KIAA0513: variants seen among roughly 807,000 people sequenced by gnomAD.
KIAA0513 encodes the protein uncharacterized protein KIAA0513.
KIAA0513 carries 39 observed loss-of-function variants against 56.5 expected under a neutral mutation model. The observed-to-expected ratio is 0.69, with a 90% CI of 0.53 to 0.90. KIAA0513 has a LOEUF of 0.90. Ranked by LOEUF, KIAA0513 falls within the 40% of genes least tolerant of loss-of-function variation. The pLI is 0.00. For missense variants in KIAA0513, 591 were observed against 535.2 expected, an observed-to-expected ratio of 1.10 and a Z score of -1.03; for synonymous variants, 268 against 215.6, an observed-to-expected ratio of 1.24 and a Z score of -2.13.
chr16:85,066,835 T>C (rs1253697903), intron 1 of KIAA0513, 65 bp from the exon 2 acceptor site: 4 of 442,156 alleles, frequency 9.0e-6, no homozygotes, highest in Non-Finnish European at 1.6e-5. Context: ...CTGGGGAGTC[T>C]GTGATCTAGG....
At chr16:85,071,696 T>C (rs972759129) in intron 2 of KIAA0513, 87 bp from the exon 3 acceptor site, 3 of 1,100,638 alleles carry the variant, frequency 2.7e-6, no homozygotes, top group Admixed American at 5.2e-5. Flanking sequence ...ATTTCGTTAG[T>C]TCCTTCTCCT....
At chr16:85,068,762 C>T (rs569120321) in intron 2 of KIAA0513, among the ~76,000 whole-genome samples, 1 of 152,216 alleles carries the variant, frequency 6.6e-6, no homozygotes, top group Non-Finnish European at 1.5e-5. Flanking sequence ...CCACCGTGCC[C>T]GGCCATCCAT....
At chr16:85,071,701 T>C in intron 2 of KIAA0513, 82 bp from the exon 3 acceptor site, 1 of 1,150,850 alleles carries the variant, frequency 8.7e-7, no homozygotes, top group Non-Finnish European at 1.2e-6. Flanking sequence ...GTTAGTTCCT[T>C]CTCCTTGCTC....
chr16:85,060,621 T>TG (rs1366851720), intron 1 of KIAA0513, among the ~76,000 whole-genome samples: 1 of 152,022 alleles, frequency 6.6e-6, no homozygotes, highest in Non-Finnish European at 1.5e-5. Flanking sequence ...GAAGGATTGC[T>TG]GGGGCCCAGG....
intron 1 of KIAA0513, among the ~76,000 whole-genome samples, chr16:85,054,313 A>C (rs1326266568): frequency 6.6e-6 from 1 of 152,234 alleles, no homozygotes; most frequent in Non-Finnish European, 1.5e-5. Context: ...TATAAGCAAA[A>C]TAAATTGGTT....
chr16:85,085,790 A>C (rs1162843637), intron 10 of KIAA0513, among the ~76,000 whole-genome samples: 1 of 152,186 alleles, frequency 6.6e-6, no homozygotes, highest in African/African-American at 2.4e-5. Flanking sequence ...ACACCCTCCC[A>C]CTTCAGGCCT....
In KIAA0513 at chr16:85,082,565, G is replaced by C; in HGVS notation, c.982G>C (p.Gly328Arg). The C allele has an allele frequency of 6.2e-7, 1 of 1,614,036 alleles. No homozygotes were observed. The highest frequency in any genetic ancestry group is 8.5e-7 in the Non-Finnish European group (1 of 1,179,954). ...ERTKRSPTTRGDAGEEEEKRE... is the reference protein window; with the variant it reads ...ERTKRSPTTRRDAGEEEEKRE... Reference sequence around the variant, plus strand: ...TACCTGTTTCTGCTGCCGCTCCAGAGGGGATGCTGGAGAGGAGGAGGAGAA... The same window carrying C: ...TACCTGTTTCTGCTGCCGCTCCAGACGGGATGCTGGAGAGGAGGAGGAGAA... The change falls in exon 10 of 13, where the codon GGG becomes CGG. Residue 328 changes from glycine (G) to arginine (R), a missense_variant and splice_region_variant. By Grantham distance (125) the Gly-to-Arg change is moderately radical. Transcript: ENST00000683363.
At chr16:85,086,909 G>A (rs1339476002) in intron 11 of KIAA0513, 163 bp from the exon 12 acceptor site, 2 of 824,592 alleles carry the variant, frequency 2.4e-6, no homozygotes, top group Admixed American at 2.4e-5. Context: ...TGGCCACAGT[G>A]CCACAGTGAG....
Position 85,074,378 on chromosome 16 carries a change from G to C in KIAA0513, c.503+1380G>C, listed in dbSNP as rs144605893. ...CACACACACACATATATATTTAGTAGAGATGAAGTCATCAGGCTGGTCTCA... is the reference window on the plus strand; with the variant it reads ...CACACACACACATATATATTTAGTACAGATGAAGTCATCAGGCTGGTCTCA... On this transcript the variant is annotated intron_variant, in intron 4 of 12. Transcript: ENST00000683363. 1.4e-3 allele frequency among the ~76,000 whole-genome samples: 218 copies of C among 151,104 alleles called. 1 individual carries two copies. Among genetic ancestry groups the C allele is most frequent in the African/African-American group, 5.0e-3 (204 of 41,046 alleles).
intron 4 of KIAA0513, among the ~76,000 whole-genome samples, chr16:85,074,200 C>T (rs2073621599): frequency 6.6e-6 from 1 of 151,968 alleles, no homozygotes; most frequent in South Asian, 2.1e-4. Context: ...GTCTCGAACT[C>T]CTGACCTCAA....
intron 1 of KIAA0513, among the ~76,000 whole-genome samples, chr16:85,042,434 G>T (rs1400375941): frequency 1.3e-5 from 2 of 152,100 alleles, no homozygotes; most frequent in African/African-American, 4.8e-5. Flanking sequence ...GCAAATAGGG[G>T]GCAGGGTCCT....
intron 4 of KIAA0513, 138 bp downstream of exon 4, chr16:85,073,136 G>A (rs1567540510): frequency 7.9e-6 from 6 of 756,832 alleles, no homozygotes; most frequent in East Asian, 2.5e-5. Context: ...GCTCTGCTAC[G>A]CCCAGCATTC....
rs531820632 is a variant in KIAA0513, at chr16:85,028,630, C to T, written c.-173+772C>T. Among the ~76,000 whole-genome samples, 308 of 152,174 alleles carry T rather than the reference C, an allele frequency of 2.0e-3. 2 individuals are homozygous for T. Among genetic ancestry groups the T allele is most frequent in the African/African-American group, 7.0e-3 (291 of 41,502 alleles). On this transcript the variant is annotated intron_variant, in intron 1 of 12. Transcript: ENST00000683363. Reference sequence around the variant, plus strand: ...TGGGTGCGTGCCCCCCACCCCCGCCCTTGTCCTGGGTTTGTGCTTTCCTGG... The same window carrying T: ...TGGGTGCGTGCCCCCCACCCCCGCCTTTGTCCTGGGTTTGTGCTTTCCTGG...
intron 1 of KIAA0513, among the ~76,000 whole-genome samples, chr16:85,050,325 ATATTTATTTATTTATT>A (rs72102302): frequency 2.0e-4 from 25 of 122,884 alleles, no homozygotes; most frequent in Non-Finnish European, 3.6e-4. Flanking sequence ...CTGTTGATTG[ATATTTATTTATTTATT>A]TATTTATTTA....
chr16:85,062,450 G>A (rs550237458), intron 1 of KIAA0513, among the ~76,000 whole-genome samples: 1 of 152,180 alleles, frequency 6.6e-6, no homozygotes, highest in Admixed American at 6.5e-5. Context: ...GTAACCGCAG[G>A]GGGGTTGCAG....
At chr16:85,064,060 C>T (rs1298264986) in intron 1 of KIAA0513, among the ~76,000 whole-genome samples, 2 of 141,068 alleles carry the variant, frequency 1.4e-5, no homozygotes, top group Non-Finnish European at 3.0e-5. Flanking sequence ...GGCTGGAGTG[C>T]AGTGGCCTGA....
intron 2 of KIAA0513, among the ~76,000 whole-genome samples, chr16:85,067,871 T>C (rs749106619): frequency 2.0e-5 from 3 of 151,974 alleles, no homozygotes; most frequent in Non-Finnish European, 2.9e-5. Context: ...AGTGCAGTGG[T>C]GCGATCTCAG....
At chr16:85,052,669 T>G (rs1239033908) in intron 1 of KIAA0513, among the ~76,000 whole-genome samples, 1 of 152,174 alleles carries the variant, frequency 6.6e-6, no homozygotes, top group Non-Finnish European at 1.5e-5. Context: ...AGGCATGGAA[T>G]TGAACAGAGT....
rs1293423897 is a variant in KIAA0513, at chr16:85,089,008, C to T, written c.*683C>T. 1 of 152,312 alleles carries T rather than the reference C, an allele frequency of 6.6e-6. No individual in the cohort carries two copies. Among genetic ancestry groups the T allele is most frequent in the Non-Finnish European group, 1.5e-5 (1 of 68,132 alleles). 9.4% of individuals were successfully genotyped at this position (152,312 alleles called of 1,614,324 possible). On this transcript the variant is annotated 3_prime_UTR_variant, in exon 13 of 13. Transcript: ENST00000683363. The surrounding 1 kb of genome is among the most constrained non-coding windows in gnomAD (Gnocchi z 4.2). ...GGACGTGTGTGTGCCTGCAGACGGC[C>T]CGGGAGCTGTGTGTCTCCGCCAGAG... is the stretch of plus-strand genomic sequence containing the variant.
Sources: allele counts gnomAD v4.1 joint callset (sites outside exome capture counted in the v4.1 genomes callset), GRCh38; gene constraint gnomAD v4.1.1; non-coding constraint Gnocchi (gnomAD v3.1); transcripts MANE v1.5; gene names NCBI Gene and HGNC (gene_info 2026-07-23, HGNC 2026-07-21).